Variants in MTA3 observed in about 807,000 individuals in gnomAD.
The protein encoded by MTA3 is metastasis associated 1 family member 3, also known as metastasis-associated protein MTA3.
A neutral mutation model predicts 83.5 loss-of-function variants in MTA3; 34 were observed. That is an observed-to-expected ratio of 0.41 (90% confidence interval 0.31 to 0.54). The LOEUF (loss-of-function observed/expected upper bound fraction) is 0.54, where lower values mean the gene tolerates loss of function less well. Ranked by LOEUF, MTA3 falls within the 20% of genes least tolerant of loss-of-function variation. The pLI, the probability that MTA3 is intolerant of heterozygous loss-of-function variation, is 0.33. For synonymous variants in MTA3, 303 were observed against 252.7 expected, an observed-to-expected ratio of 1.20 and a Z score of -1.89; for missense variants, 761 against 726.4, an observed-to-expected ratio of 1.05 and a Z score of -0.55.
intron 2 of MTA3, among the ~76,000 whole-genome samples, chr2:42,517,034 C>T (rs1457802238): frequency 6.7e-6 from 1 of 149,350 alleles, no homozygotes; most frequent in Admixed American, 6.7e-5. Flanking sequence ...CCGAGGCGGG[C>T]AGATCACCTG....
At chr2:42,699,409 G>T (rs1693664073) in intron 11 of MTA3, among the ~76,000 whole-genome samples, 1 of 152,034 alleles carries the variant, frequency 6.6e-6, no homozygotes, top group Admixed American at 6.6e-5. Flanking sequence ...TGTTACCCAG[G>T]AGTTCTCATG....
Position 42,754,894 on chromosome 2 carries a change from G to A in MTA3, c.*1495G>A. Reference sequence around the variant, plus strand: ...GCTGTGTGAGGTGGAGGGCGGTTTTGCAGACATCTCAGCTTCTTTTCTGAG... The same window carrying A: ...GCTGTGTGAGGTGGAGGGCGGTTTTACAGACATCTCAGCTTCTTTTCTGAG... On this transcript the variant is annotated 3_prime_UTR_variant, in exon 17 of 17. Coordinates refer to ENST00000405094, the MANE Select transcript of MTA3 (RefSeq NM_001330442.2). The A allele has an allele frequency of 1.0e-6, 1 of 985,630 alleles. No individual in the cohort carries two copies. The highest frequency in any genetic ancestry group is 1.2e-6 in the Non-Finnish European group (1 of 830,090). 61.1% of individuals were successfully genotyped at this position (985,630 alleles called of 1,614,324 possible).
chr2:42,541,974 T>C (rs1572952169), intron 2 of MTA3, among the ~76,000 whole-genome samples: 1 of 152,128 alleles, frequency 6.6e-6, no homozygotes, highest in Non-Finnish European at 1.5e-5. Context: ...TCAGGAGGGA[T>C]TGAAATCTAG....
intron 2 of MTA3, among the ~76,000 whole-genome samples, chr2:42,575,119 A>C (rs571673471): frequency 2.0e-5 from 3 of 152,234 alleles, no homozygotes; most frequent in Non-Finnish European, 4.4e-5. Context: ...CGCTGAAAGC[A>C]GGTGGGAGCT....
intron 14 of MTA3, among the ~76,000 whole-genome samples, chr2:42,710,180 CTAAAGA>C (rs1666479222): frequency 2.6e-5 from 4 of 151,978 alleles, no homozygotes; most frequent in Admixed American, 2.6e-4. Flanking sequence ...TTTTTTGTTC[CTAAAGA>C]TAATTTTTAG....
intron 2 of MTA3, among the ~76,000 whole-genome samples, chr2:42,552,933 C>A (rs180829157): frequency 0.014 from 2,058 of 148,592 alleles, 49 homozygotes; most frequent in African/African-American, 0.048. Context: ...CTGGGCGACA[C>A]CGCAAGACTC....
intron 14 of MTA3, among the ~76,000 whole-genome samples, chr2:42,710,402 T>C (rs999897983): frequency 2.0e-5 from 3 of 151,718 alleles, no homozygotes; most frequent in Admixed American, 1.3e-4. Flanking sequence ...TATACAAAAA[T>C]TAGCCAGGCG....
chr2:42,589,163 A>C (rs2103925385), intron 3 of MTA3, among the ~76,000 whole-genome samples: 1 of 152,306 alleles, frequency 6.6e-6, no homozygotes, highest in East Asian at 1.9e-4. Context: ...CATCATCGGC[A>C]CCTTATTTCA....
At chr2:42,539,115 T>TC (rs961569345) in intron 2 of MTA3, among the ~76,000 whole-genome samples, 15 of 152,340 alleles carry the variant, frequency 9.8e-5, no homozygotes, top group African/African-American at 3.6e-4. Context: ...GAAGCTTTTT[T>TC]CCCTCTCTGT....
chr2:42,506,396 G>A (rs1214185994), intron 2 of MTA3, among the ~76,000 whole-genome samples: 2 of 151,792 alleles, frequency 1.3e-5, no homozygotes, highest in Non-Finnish European at 2.9e-5. Context: ...CAAGGCTGCA[G>A]TGAGCCATGA....
chr2:42,596,588 G>C (rs1006487249), intron 3 of MTA3, among the ~76,000 whole-genome samples: 36 of 152,232 alleles, frequency 2.4e-4, no homozygotes, highest in African/African-American at 8.2e-4. Context: ...CTGGTCTTCT[G>C]AATGTTAATG....
At chr2:42,554,006 G>C (rs1307633672) in intron 2 of MTA3, among the ~76,000 whole-genome samples, 1 of 151,904 alleles carries the variant, frequency 6.6e-6, no homozygotes, top group Non-Finnish European at 1.5e-5. Flanking sequence ...GGCCGAGGCG[G>C]GTGGATCACC....
At position 42,575,984 on chromosome 2, in the gene MTA3, G is replaced by T. The variant is rs143693547; in HGVS notation, c.97-3123G>T. On this transcript the variant is annotated intron_variant, in intron 2 of 16. Transcript: ENST00000405094. Reference sequence around the variant, plus strand: ...GGATTCTTTGTAATTTCACAAAATGGTAGTTTGAATGGCTAATTGAAATAT... The same window carrying T: ...GGATTCTTTGTAATTTCACAAAATGTTAGTTTGAATGGCTAATTGAAATAT... 8.7e-3 allele frequency among the ~76,000 whole-genome samples: 1,324 copies of T among 152,238 alleles called. 26 individuals are homozygous for T. Among genetic ancestry groups the T allele is most frequent in the African/African-American group, 0.03 (1,257 of 41,546 alleles).
chr2:42,566,474 A>G (rs1677914328), upstream of MTA3, among the ~76,000 whole-genome samples: 1 of 152,078 alleles, frequency 6.6e-6, no homozygotes, highest in African/African-American at 2.4e-5. Context: ...GGAAGAGACT[A>G]ATATATAGAA....
At chr2:42,679,733 G>T (rs1691698742) in intron 8 of MTA3, among the ~76,000 whole-genome samples, 1 of 152,018 alleles carries the variant, frequency 6.6e-6, no homozygotes, top group South Asian at 2.1e-4. Context: ...CTACACCAAG[G>T]ATTACCTCCA....
chr2:42,587,511 C>G (rs1242986979), intron 3 of MTA3, among the ~76,000 whole-genome samples: 1 of 152,040 alleles, frequency 6.6e-6, no homozygotes, highest in African/African-American at 2.4e-5. Context: ...TACACACGTT[C>G]TTTCCTTTGC....
chr2:42,718,900 C>A, intron 14 of MTA3, 88 bp from the exon 15 acceptor site: 1 of 998,038 alleles, frequency 1.0e-6, no homozygotes. Flanking sequence ...GTACTGTTTT[C>A]CACTTGTACC....
chr2:42,570,653 G>T, intron 2 of MTA3, 149 bp downstream of exon 2: 1 of 452,616 alleles, frequency 2.2e-6, no homozygotes, highest in Admixed American at 3.7e-5. Context: ...GAGCCCAGGA[G>T]TTGGAGACCA....
intron 4 of MTA3, among the ~76,000 whole-genome samples, chr2:42,614,367 G>C (rs891149892): frequency 2.6e-5 from 4 of 152,178 alleles, no homozygotes; most frequent in African/African-American, 7.2e-5. Flanking sequence ...AAAGTGCTGG[G>C]ATTACAGGCG....
Sources: gnomAD v4.1 joint callset for allele counts (sites outside exome capture counted in the v4.1 genomes callset) on GRCh38, gnomAD v4.1.1 for gene constraint, MANE v1.5 for transcripts, NCBI Gene and HGNC (gene_info 2026-07-23, HGNC 2026-07-21) for gene names.